HIVEP3: variants seen among roughly 807,000 people sequenced by gnomAD.
HIVEP3 encodes HIVEP zinc finger 3.
Under a neutral mutation model 152.8 loss-of-function variants are expected in HIVEP3, and 49 were observed. The observed-to-expected ratio is 0.32, with a 90% CI of 0.26 to 0.41. The LOEUF (loss-of-function observed/expected upper bound fraction) is 0.41. Ranked by LOEUF, HIVEP3 falls within the 10% of genes least tolerant of loss-of-function variation. The pLI, the probability that HIVEP3 is intolerant of heterozygous loss-of-function variation, is 1.00. For missense variants in HIVEP3, 2,790 were observed against 3,103.3 expected, an observed-to-expected ratio of 0.90 and a Z score of 2.40; for synonymous variants, 1,269 against 1,289.0, an observed-to-expected ratio of 0.98 and a Z score of 0.33.
Position 41,913,324 on chromosome 1 carries a change from G to T in HIVEP3, c.-801+5089C>A, listed in dbSNP as rs140518569. The stretch of plus-strand genomic sequence containing the variant: ...GAAAATGTCAAGCGTCTACTGTGTA[G>T]AATTTTGATGGAGGAGGATTTCAAA... On this transcript the variant is annotated intron_variant, in intron 1 of 8. Transcript: ENST00000372583. 1.3e-3 allele frequency among the ~76,000 whole-genome samples: 201 copies of T among 152,310 alleles called. 1 individual carries two copies. The highest frequency in any genetic ancestry group is 4.5e-3 in the African/African-American group (186 of 41,570).
At chr1:41,808,759 T>C (rs189397356) in intron 1 of HIVEP3, among the ~76,000 whole-genome samples, 69 of 152,342 alleles carry the variant, frequency 4.5e-4, no homozygotes, top group Admixed American at 1.0e-3. Flanking sequence ...GCCCAAATTA[T>C]GTGTGACATC....
At chr1:41,853,009 C>T (rs1052634233) in intron 1 of HIVEP3, among the ~76,000 whole-genome samples, 5 of 152,226 alleles carry the variant, frequency 3.3e-5, no homozygotes, top group South Asian at 2.1e-4. Context: ...GTCCCCACCA[C>T]GAATGGCTGT....
chr1:41,552,592 C>T (rs1643907657), intron 5 of HIVEP3, among the ~76,000 whole-genome samples: 1 of 146,664 alleles, frequency 6.8e-6, no homozygotes, highest in South Asian at 2.3e-4. Context: ...GTATATGTGC[C>T]ACATTTTCTT....
intron 1 of HIVEP3, among the ~76,000 whole-genome samples, chr1:41,736,377 C>T (rs1646919827): frequency 2.0e-5 from 3 of 152,164 alleles, no homozygotes; most frequent in East Asian, 1.9e-4. Context: ...CTCAGCTCCC[C>T]GTGGAAGGGG....
chr1:41,704,044 C>A (rs1445956409), intron 1 of HIVEP3, among the ~76,000 whole-genome samples: 1 of 152,202 alleles, frequency 6.6e-6, no homozygotes, highest in Non-Finnish European at 1.5e-5. Flanking sequence ...TGCCTCAGTA[C>A]CCTCATCTGT....
At chr1:41,956,688 T>C (rs975963103) in intron 1 of HIVEP3, among the ~76,000 whole-genome samples, 2 of 152,244 alleles carry the variant, frequency 1.3e-5, no homozygotes, top group African/African-American at 4.8e-5. Context: ...GAAGCAGCGA[T>C]GAAAATAAAA....
At chr1:41,922,304 T>C (rs1273709474), upstream of HIVEP3, among the ~76,000 whole-genome samples, 1 of 152,230 alleles carries the variant, frequency 6.6e-6, no homozygotes, top group African/African-American at 2.4e-5. Context: ...TGTAACACTA[T>C]GCTAAAAGAC....
At chr1:41,889,053 ACAC>A (rs751749674) in intron 1 of HIVEP3, among the ~76,000 whole-genome samples, 22 of 143,588 alleles carry the variant, frequency 1.5e-4, no homozygotes, top group Non-Finnish European at 2.6e-4. Context: ...CACACACACC[ACAC>A]AACACATACA....
intron 5 of HIVEP3, among the ~76,000 whole-genome samples, chr1:41,567,818 T>G (rs1030164309): frequency 2.0e-5 from 3 of 152,256 alleles, no homozygotes; most frequent in Non-Finnish European, 4.4e-5. Context: ...CCCCAGAGCC[T>G]GCCCCATAAC....
intron 2 of HIVEP3, among the ~76,000 whole-genome samples, chr1:41,661,711 G>A (rs1259739781): frequency 6.6e-6 from 1 of 152,250 alleles, no homozygotes; most frequent in African/African-American, 2.4e-5. Flanking sequence ...AGCAGCTCCC[G>A]CCGGGTGTGC....
At chr1:41,640,204 C>T (rs957368736) in intron 2 of HIVEP3, among the ~76,000 whole-genome samples, 3 of 115,552 alleles carry the variant, frequency 2.6e-5, no homozygotes, top group East Asian at 2.9e-4. Flanking sequence ...ACCGGAGTGG[C>T]GGGAGGAGGA....
At chr1:41,851,276 C>CCTT (rs1553122668) in intron 1 of HIVEP3, among the ~76,000 whole-genome samples, 19 of 138,448 alleles carry the variant, frequency 1.4e-4, no homozygotes, top group South Asian at 2.3e-4. Flanking sequence ...TGAGAGAGCA[C>CCTT]CTTCTTCTTC....
At chr1:41,699,367 AG>A (rs1368404253) in intron 2 of HIVEP3, among the ~76,000 whole-genome samples, 1 of 152,232 alleles carries the variant, frequency 6.6e-6, no homozygotes, top group Non-Finnish European at 1.5e-5. Context: ...GTGAGACGAC[AG>A]GTGTGTGAAA....
At chr1:41,980,986 T>C (rs558048605) in intron 1 of HIVEP3, among the ~76,000 whole-genome samples, 1 of 152,128 alleles carries the variant, frequency 6.6e-6, no homozygotes, top group Admixed American at 6.5e-5. Context: ...GCAAGACCAG[T>C]GCAAACCGTG....
chr1:41,753,410 C>T (rs936569815), intron 1 of HIVEP3, among the ~76,000 whole-genome samples: 2 of 152,122 alleles, frequency 1.3e-5, no homozygotes, highest in African/African-American at 4.8e-5. Flanking sequence ...CCTGTAATCC[C>T]AGCACTTTGG....
rs142821494 is a variant in HIVEP3, at chr1:41,917,899, A to T, written c.-801+514T>A. Among the ~76,000 whole-genome samples the T allele has an allele frequency of 5.5e-3, 830 of 152,160 alleles. 7 individuals carry two copies. The highest frequency in any genetic ancestry group is 0.024 in the Middle Eastern group (7 of 294). ...CAGCAGCCAGCATCATACGAATCTCACTCTCAACCAAGCAGGCTACTGCAG... is the reference window on the plus strand; with the variant it reads ...CAGCAGCCAGCATCATACGAATCTCTCTCTCAACCAAGCAGGCTACTGCAG... On this transcript the variant is annotated intron_variant, in intron 1 of 8. Coordinates refer to ENST00000372583, the MANE Select transcript of HIVEP3 (RefSeq NM_024503.5).
At chr1:41,744,061 A>G (rs1366986161) in intron 1 of HIVEP3, among the ~76,000 whole-genome samples, 1 of 150,972 alleles carries the variant, frequency 6.6e-6, no homozygotes, top group East Asian at 1.9e-4. Context: ...TTTTTTTGAG[A>G]CGGAGTCTCA....
Position 41,510,326 on chromosome 1 carries a change from G to C in HIVEP3, c.*125C>G. The C allele has an allele frequency of 2.7e-6, 2 of 739,462 alleles. No individual in the cohort carries two copies. The highest frequency in any genetic ancestry group is 4.0e-6 in the Non-Finnish European group (2 of 503,910). 45.8% of individuals were successfully genotyped at this position (739,462 alleles called of 1,614,324 possible). ...CATACATGGGAAGGTACAACAGATG[G>C]GGCCGTGAGAGCTCCTGGACGGAGG... On this transcript the variant is annotated 3_prime_UTR_variant, in exon 9 of 9. Transcript: ENST00000372583.
chr1:41,774,812 T>TTTATTTA (rs1558258348), intron 1 of HIVEP3, among the ~76,000 whole-genome samples: 2 of 88,604 alleles, frequency 2.3e-5, no homozygotes, highest in African/African-American at 2.1e-4. Context: ...TTATTTATTT[T>TTTATTTA]TTGAGACTGG....
Sources: allele counts gnomAD v4.1 joint callset (sites outside exome capture counted in the v4.1 genomes callset), GRCh38; gene constraint gnomAD v4.1.1; transcripts MANE v1.5; gene names NCBI Gene and HGNC (gene_info 2026-07-23, HGNC 2026-07-21).